Variants in FYB1 observed in about 807,000 individuals in gnomAD.
FYB1 encodes FYN binding protein 1, also known as FYN-binding protein 1.
FYB1 carries 41 observed loss-of-function variants against 94.1 expected under a neutral mutation model. The ratio of observed to expected loss-of-function variants is 0.44; its 90% CI spans 0.34 to 0.57. The LOEUF is 0.57. FYB1 is among the 20% of genes least tolerant of loss of function. FYB1 has a pLI of 0.02. For missense variants in FYB1, 1,050 were observed against 976.8 expected (o/e 1.07, Z -1.00); for synonymous variants, 367 against 353.2 (o/e 1.04, Z -0.44).
intron 16 of FYB1, among the ~76,000 whole-genome samples, chr5:39,111,866 G>A (rs566536541): frequency 2.6e-5 from 4 of 151,974 alleles, no homozygotes; most frequent in South Asian, 2.1e-4. Flanking sequence ...ATTAGAACAC[G>A]TTGCACCTTC....
intron 3 of FYB1, among the ~76,000 whole-genome samples, chr5:39,151,951 C>T (rs1332320446): frequency 6.6e-6 from 1 of 152,152 alleles, no homozygotes; most frequent in Admixed American, 6.5e-5. Flanking sequence ...AACATCAAGG[C>T]CCATTTTGGT....
In FYB1 at chr5:39,239,759, C is replaced by T. The variant is rs978053310; in HGVS notation, c.-28+34644G>A. ...TCCAAAGCAATTTGCAGGTTCAATGCTAATTCTATCAAACTATAAATGATA... is the reference window on the plus strand; with the variant it reads ...TCCAAAGCAATTTGCAGGTTCAATGTTAATTCTATCAAACTATAAATGATA... On this transcript the variant is annotated intron_variant, in intron 1 of 1. Transcript: ENST00000510188. 1.2e-4 allele frequency among the ~76,000 whole-genome samples: 19 copies of T among 152,180 alleles called. 1 individual carries two copies. Among genetic ancestry groups the T allele is most frequent in the Middle Eastern group, 6.8e-3 (2 of 294 alleles).
intron 16 of FYB1, among the ~76,000 whole-genome samples, chr5:39,113,871 G>A (rs547693841): frequency 3.6e-4 from 54 of 152,024 alleles, no homozygotes; most frequent in Middle Eastern, 3.5e-3. Context: ...AAAACAGAGC[G>A]TTGTATATAA....
intron 16 of FYB1, among the ~76,000 whole-genome samples, chr5:39,116,015 C>G (rs183551543): frequency 6.6e-6 from 1 of 152,208 alleles, no homozygotes; most frequent in South Asian, 2.1e-4. Context: ...TAGACTTCAG[C>G]TCCTGAAGGA....
intron 1 of FYB1, among the ~76,000 whole-genome samples, chr5:39,215,572 G>T (rs1388267785): frequency 6.6e-6 from 1 of 152,084 alleles, no homozygotes; most frequent in Non-Finnish European, 1.5e-5. Context: ...CAAGGGGGAG[G>T]GTGTGGCATC....
chr5:39,217,305 G>A (rs1199591458), intron 1 of FYB1, among the ~76,000 whole-genome samples: 1 of 152,154 alleles, frequency 6.6e-6, no homozygotes, highest in Non-Finnish European at 1.5e-5. Context: ...AAACATTAGC[G>A]AACCAAGGTC....
At chr5:39,130,666 G>A in intron 9 of FYB1, 54 bp from the exon 10 acceptor site, 1 of 1,333,954 alleles carries the variant, frequency 7.5e-7, no homozygotes, top group Non-Finnish European at 1.1e-6. Context: ...TTAGCTATGA[G>A]GAAGAGAAGT....
intron 3 of FYB1, among the ~76,000 whole-genome samples, chr5:39,142,549 G>T (rs1264325446): frequency 6.6e-6 from 1 of 151,886 alleles, no homozygotes; most frequent in Non-Finnish European, 1.5e-5. Context: ...TTCACTCTTT[G>T]CCCTTAAATC....
intron 10 of FYB1, among the ~76,000 whole-genome samples, chr5:39,130,317 A>G (rs1462000826): frequency 6.6e-6 from 1 of 152,082 alleles, no homozygotes; most frequent in Non-Finnish European, 1.5e-5. Context: ...GCATACAGTT[A>G]GATAGAAGGA....
chr5:39,175,372 A>G (rs887143722), intron 2 of FYB1, among the ~76,000 whole-genome samples: 3 of 152,164 alleles, frequency 2.0e-5, no homozygotes, highest in African/African-American at 4.8e-5. Flanking sequence ...AGCGGTGAAC[A>G]TTGTTGGATT....
chr5:39,226,987 T>A (rs1750499711), intron 1 of FYB1, among the ~76,000 whole-genome samples: 1 of 152,208 alleles, frequency 6.6e-6, no homozygotes. Context: ...GACTACACAT[T>A]TGTCTGTGGG....
At chr5:39,129,254 A>G (rs1226069003) in intron 10 of FYB1, among the ~76,000 whole-genome samples, 1 of 152,212 alleles carries the variant, frequency 6.6e-6, no homozygotes, top group South Asian at 2.1e-4. Context: ...CTGGATATCC[A>G]TATGGAAAAA....
At chr5:39,245,079 T>A (rs924115274) in intron 1 of FYB1, among the ~76,000 whole-genome samples, 4 of 152,196 alleles carry the variant, frequency 2.6e-5, no homozygotes, top group Non-Finnish European at 4.4e-5. Flanking sequence ...TTTAAACAAT[T>A]TTCTTAAAGT....
intron 2 of FYB1, among the ~76,000 whole-genome samples, chr5:39,162,396 A>G (rs1394340716): frequency 3.3e-5 from 5 of 152,200 alleles, no homozygotes; most frequent in African/African-American, 1.2e-4. Context: ...GCATTAAAAT[A>G]TTTTGGTAGG....
chr5:39,223,593 C>A (rs1044590539), upstream of FYB1, among the ~76,000 whole-genome samples: 1 of 152,184 alleles, frequency 6.6e-6, no homozygotes, highest in Admixed American at 6.5e-5. Context: ...CACCTCAGTG[C>A]TTCTGGATAT....
At position 39,194,542 on chromosome 5, in the gene FYB1, C is replaced by G. The variant is rs183632002; in HGVS notation, c.1135+7284G>C. Reference sequence around the variant, plus strand: ...TGTCTCAAAAAATAAAAAAGAAAGACAGAAAAAGGAAGGAAGGAAGGAAAG... The same window carrying G: ...TGTCTCAAAAAATAAAAAAGAAAGAGAGAAAAAGGAAGGAAGGAAGGAAAG... On this transcript the variant is annotated intron_variant, in intron 2 of 18. Transcript: ENST00000512982. Among the ~76,000 whole-genome samples the G allele has an allele frequency of 1.7e-3, 253 of 149,290 alleles. 4 individuals are homozygous for G. Among genetic ancestry groups the G allele is most frequent in the African/African-American group, 6.0e-3 (243 of 40,656 alleles).
At chr5:39,158,354 G>T (rs1419884402) in intron 2 of FYB1, among the ~76,000 whole-genome samples, 1 of 152,168 alleles carries the variant, frequency 6.6e-6, no homozygotes, top group Non-Finnish European at 1.5e-5. Flanking sequence ...GGTGCTCAGT[G>T]GTTATCTGGC....
At chr5:39,114,619 A>C (rs1739361563) in intron 16 of FYB1, among the ~76,000 whole-genome samples, 1 of 152,194 alleles carries the variant, frequency 6.6e-6, no homozygotes, top group Admixed American at 6.5e-5. Flanking sequence ...GAACCAAAAG[A>C]TTTAGAGGCT....
intron 1 of FYB1, among the ~76,000 whole-genome samples, chr5:39,247,993 A>G (rs559179173): frequency 1.7e-4 from 26 of 152,144 alleles, no homozygotes; most frequent in African/African-American, 6.0e-4. Flanking sequence ...AAGCAAGCAC[A>G]TTGGTTACTC....
Sources: gnomAD v4.1 joint callset for allele counts (sites outside exome capture counted in the v4.1 genomes callset) on GRCh38, gnomAD v4.1.1 for gene constraint, MANE v1.5 for transcripts, NCBI Gene and HGNC (gene_info 2026-07-23, HGNC 2026-07-21) for gene names.